The following GNAS-AS1 variants were observed in gnomAD, a reference collection of about 807,000 sequenced individuals.
The protein encoded by GNAS-AS1 is GNAS antisense RNA 1, also known as GNAS antisense RNA 1 (non-protein coding).
At chr20:58,837,257 A>G (rs1269244545) in intron 4 of GNAS-AS1, among the ~76,000 whole-genome samples, 1 of 152,194 alleles carries the variant, frequency 6.6e-6, no homozygotes, top group Non-Finnish European at 1.5e-5. Flanking sequence ...TAGAAGAAAT[A>G]AAGTGGGTGG....
chr20:58,839,908 G>C (rs2085655411), intron 4 of GNAS-AS1: 4 of 608,270 alleles, frequency 6.6e-6, no homozygotes, highest in Non-Finnish European at 1.2e-5. Flanking sequence ...AGCAAGGCGC[G>C]GAGCTTTAGA....
chr20:58,830,159 C>T lies in GNAS-AS1; in HGVS notation n.820-10904G>A, dbSNP rs879869116. 9.5e-3 allele frequency among the ~76,000 whole-genome samples: 1,431 copies of T among 151,368 alleles called. 11 individuals are homozygous for T. Among genetic ancestry groups the T allele is most frequent in the Middle Eastern group, 0.02 (6 of 294 alleles). ...TACCACCACCATACCACCACCACCA[C>T]CACTGCTATACCACTATCATAACCA... On this transcript the variant is annotated intron_variant and non_coding_transcript_variant, in intron 4 of 4. Transcript: ENST00000424094.
intron 4 of GNAS-AS1, among the ~76,000 whole-genome samples, chr20:58,823,876 C>T (rs753492745): frequency 2.0e-5 from 3 of 152,236 alleles, no homozygotes; most frequent in Non-Finnish European, 2.9e-5. Flanking sequence ...CGCCATCAGC[C>T]TGCATTTGCA....
chr20:58,844,086 G>A (rs1489545965), intron 2 of GNAS-AS1: 1 of 152,110 alleles, frequency 6.6e-6, no homozygotes, highest in African/African-American at 2.4e-5. Flanking sequence ...TAAGAATGAG[G>A]TTTTTTGGTT....
intron 4 of GNAS-AS1, among the ~76,000 whole-genome samples, chr20:58,828,645 TC>T (rs2085535476): frequency 6.6e-6 from 1 of 152,228 alleles, no homozygotes; most frequent in Non-Finnish European, 1.5e-5. Flanking sequence ...TTTGGAGTGT[TC>T]CTCTCTTGTC....
rs1280845106 is a variant in GNAS-AS1, at chr20:58,841,906, G to T, written n.819+31C>A. ...GCGGAACAAGGGACAGGCTGGAGACGGGGGTCGCGTCTAACATCAGGATAA... is the reference window on the plus strand; with the variant it reads ...GCGGAACAAGGGACAGGCTGGAGACTGGGGTCGCGTCTAACATCAGGATAA... On this transcript the variant is annotated intron_variant and non_coding_transcript_variant, in intron 4 of 4. Transcript: ENST00000424094. The surrounding 1 kb of genome is among the most constrained non-coding windows in gnomAD (Gnocchi z 5.0). 2 of 1,227,998 alleles carry T rather than the reference G, an allele frequency of 1.6e-6. No homozygotes were observed. The highest frequency in any genetic ancestry group is 8.3e-5 in the South Asian group (2 of 24,114). The allele number at this position is 1,227,998 out of a possible 1,614,324, so 76.1% of individuals were successfully genotyped here. A position where few individuals can be genotyped will look rare whatever the true frequency, so the allele number is the denominator to read the frequency against.
At position 58,840,775 on chromosome 20, in the gene GNAS-AS1, G is replaced by A. The variant is rs76844956; in HGVS notation, n.819+1162C>T. 10 of 1,608,308 alleles carry A rather than the reference G, an allele frequency of 6.2e-6. No individual in the cohort carries two copies. Among genetic ancestry groups the A allele is most frequent in the Non-Finnish European group, 8.5e-6 (10 of 1,179,424 alleles). ...AGCGGCGTCGCTGCAAGCCAAAGAA[G>A]CCCACCCGCCGTGACGCGTCCCCGG... On this transcript the variant is annotated intron_variant and non_coding_transcript_variant, in intron 4 of 4. Coordinates refer to ENST00000424094, the Ensembl canonical transcript of GNAS-AS1. This position sits in a 1 kb window ranked among gnomAD's most constrained non-coding sequence, Gnocchi z 6.0.
At position 58,841,493 on chromosome 20, in the gene GNAS-AS1, CAATT is replaced by C. The variant is rs2085726328; in HGVS notation, n.819+440_819+443del. 1 of 991,220 alleles carries C rather than the reference CAATT, an allele frequency of 1.0e-6. No individual in the cohort carries two copies. The highest frequency in any genetic ancestry group is 1.2e-6 in the Non-Finnish European group (1 of 834,146). 61.4% of individuals were successfully genotyped at this position (991,220 alleles called of 1,614,324 possible). On this transcript the variant is annotated intron_variant and non_coding_transcript_variant, in intron 4 of 4. Coordinates refer to ENST00000424094, the Ensembl canonical transcript of GNAS-AS1. The surrounding 1 kb of genome is among the most constrained non-coding windows in gnomAD (Gnocchi z 5.0). ...GCCGGAGCCCAGGTCCCAGAGCTGACAATTAAGCCGCGGGACCTCCGCGCCAGTG... is the reference window on the plus strand; with the variant it reads ...GCCGGAGCCCAGGTCCCAGAGCTGACAAGCCGCGGGACCTCCGCGCCAGTG...
Position 58,823,115 on chromosome 20 carries a change from G to A in GNAS-AS1, n.820-3860C>T, listed in dbSNP as rs532579255. ...AGCTCTCCTGGCCATATCTAGCCAC[G>A]GCAATGCAGTGGCCTCCAAATCCCC... On this transcript the variant is annotated intron_variant and non_coding_transcript_variant, in intron 4 of 4. Coordinates refer to ENST00000424094, the Ensembl canonical transcript of GNAS-AS1. Among the ~76,000 whole-genome samples, 8 of 152,236 alleles carry A rather than the reference G, an allele frequency of 5.3e-5. No homozygotes were observed. In the South Asian group the frequency reaches 6.2e-4, roughly 12 times the overall value.
chr20:58,850,829 C>T (rs2086132249), exon 1 of GNAS-AS1: 2 of 398,726 alleles, frequency 5.0e-6, no homozygotes, highest in South Asian at 1.3e-4. Context: ...GGCCTAGCCG[C>T]CATACACCCG....
intron 4 of GNAS-AS1, among the ~76,000 whole-genome samples, chr20:58,831,554 C>T (rs1407081743): frequency 2.0e-5 from 3 of 151,712 alleles, no homozygotes; most frequent in Admixed American, 2.0e-4. Flanking sequence ...TGGCATGAAC[C>T]GGGGAGGTGG....
chr20:58,838,390 G>A (rs747411193), intron 4 of GNAS-AS1, among the ~76,000 whole-genome samples: 1 of 152,128 alleles, frequency 6.6e-6, no homozygotes, highest in African/African-American at 2.4e-5. Flanking sequence ...CCGCCCCCTA[G>A]CCCTGATCCA....
chr20:58,840,950 G>A lies in GNAS-AS1; in HGVS notation n.819+987C>T. On this transcript the variant is annotated intron_variant and non_coding_transcript_variant, in intron 4 of 4. Coordinates refer to ENST00000424094, the Ensembl canonical transcript of GNAS-AS1. The surrounding 1 kb of genome is among the most constrained non-coding windows in gnomAD (Gnocchi z 6.0). ...GTGTGGGAGCAGCGCAGGTGGAAAGGAGGTGAGAAGGAAAGGCAGGTCAGG... is the reference window on the plus strand; with the variant it reads ...GTGTGGGAGCAGCGCAGGTGGAAAGAAGGTGAGAAGGAAAGGCAGGTCAGG... The A allele has an allele frequency of 2.6e-6, 4 of 1,555,172 alleles. No individual in the cohort carries two copies. The highest frequency in any genetic ancestry group is 3.5e-6 in the Non-Finnish European group (4 of 1,137,846).
At chr20:58,835,456 G>C (rs2085596289) in intron 4 of GNAS-AS1, among the ~76,000 whole-genome samples, 1 of 152,178 alleles carries the variant, frequency 6.6e-6, no homozygotes, top group African/African-American at 2.4e-5. Context: ...CACATGGTTA[G>C]AAACAAGTGG....
intron 4 of GNAS-AS1, chr20:58,819,365 C>T (rs6026544): frequency 0.56 from 222,442 of 397,312 alleles, 63,111 homozygotes; most frequent in South Asian, 0.68. Context: ...TGATCGCCTG[C>T]GGTCACACTC....
intron 4 of GNAS-AS1, among the ~76,000 whole-genome samples, chr20:58,826,461 G>T (rs1482491088): frequency 6.6e-6 from 1 of 152,158 alleles, no homozygotes; most frequent in Non-Finnish European, 1.5e-5. Context: ...CGACGAGTGG[G>T]CAGGGGGAGG....
At chr20:58,847,111 G>A (rs2085968830) in intron 2 of GNAS-AS1, among the ~76,000 whole-genome samples, 1 of 152,250 alleles carries the variant, frequency 6.6e-6, no homozygotes, top group South Asian at 2.1e-4. Context: ...TGCCTTGGCT[G>A]AAACAGAATT....
intron 4 of GNAS-AS1, chr20:58,826,098 A>G (rs1470839676): frequency 7.5e-6 from 3 of 398,590 alleles, no homozygotes; most frequent in East Asian, 3.6e-5. Context: ...ACCCAACTGC[A>G]TAAGTGCTCT....
chr20:58,847,956 GC>G (rs1242719657), intron 2 of GNAS-AS1, among the ~76,000 whole-genome samples: 1 of 152,188 alleles, frequency 6.6e-6, no homozygotes, highest in Non-Finnish European at 1.5e-5. Flanking sequence ...TGTTTGGGAG[GC>G]CCAGGGCATC....
Sources: gnomAD v4.1 joint callset for allele counts (sites outside exome capture counted in the v4.1 genomes callset) on GRCh38, gnomAD v4.1.1 for gene constraint, Gnocchi (gnomAD v3.1) non-coding constraint, MANE v1.5 for transcripts, NCBI Gene and HGNC (gene_info 2026-07-23, HGNC 2026-07-21) for gene names.